TTLL5: variants seen among roughly 807,000 people sequenced by gnomAD.
TTLL5 encodes tubulin polyglutamylase TTLL5.
TTLL5 carries 132 observed loss-of-function variants against 168.4 expected under a neutral mutation model. The ratio of observed to expected loss-of-function variants is 0.78; its 90% CI spans 0.68 to 0.91. The LOEUF (loss-of-function observed/expected upper bound fraction) is 0.91, where lower values mean the gene tolerates loss of function less well. Among genes scored for constraint, TTLL5 ranks in the 40% least tolerant of loss-of-function variants. The pLI, the probability that TTLL5 is intolerant of heterozygous loss-of-function variation, is 0.00. For missense variants in TTLL5, 1,545 were observed against 1,581.5 expected (o/e 0.98, Z 0.39); for synonymous variants, 546 against 558.6 (o/e 0.98, Z 0.32).
chr14:75,706,380 G>A (rs953508709), intron 7 of TTLL5, among the ~76,000 whole-genome samples: 1 of 152,142 alleles, frequency 6.6e-6, no homozygotes, highest in African/African-American at 2.4e-5. Context: ...TGTTCATCAT[G>A]GTATCCCCAG....
Position 75,809,461 on chromosome 14 carries a change from A to T in TTLL5, c.3172-10546A>T, listed in dbSNP as rs59983830. Among the ~76,000 whole-genome samples, 4 of 152,288 alleles carry T rather than the reference A, an allele frequency of 2.6e-5. 1 individual carries two copies. In the East Asian group the frequency reaches 5.8e-4, roughly 22 times the overall value. On this transcript the variant is annotated intron_variant, in intron 27 of 31. Coordinates refer to ENST00000298832, the MANE Select transcript of TTLL5 (RefSeq NM_015072.5). ...GGTTATTCATATATCACAGTGTTAC[A>T]TATTTTGGGGGGTACATATGATGTT... is the stretch of plus-strand genomic sequence containing the variant.
At chr14:75,851,439 G>A (rs894411513) in intron 28 of TTLL5, among the ~76,000 whole-genome samples, 2 of 152,134 alleles carry the variant, frequency 1.3e-5, no homozygotes, top group African/African-American at 4.8e-5. Context: ...AGCCGCTGCT[G>A]GTAATTTAGC....
At chr14:75,715,625 G>A (rs1459571051) in intron 9 of TTLL5, among the ~76,000 whole-genome samples, 1 of 152,028 alleles carries the variant, frequency 6.6e-6, no homozygotes, top group Non-Finnish European at 1.5e-5. Flanking sequence ...ATATGGAGTG[G>A]AGCACTTTCA....
chr14:75,924,759 C>T (rs1224996361), intron 31 of TTLL5, among the ~76,000 whole-genome samples: 1 of 152,128 alleles, frequency 6.6e-6, no homozygotes, highest in Middle Eastern at 3.4e-3. Flanking sequence ...TCCACAAAAC[C>T]GCCATTGTCA....
At chr14:75,723,009 G>A (rs566973114) in intron 12 of TTLL5, among the ~76,000 whole-genome samples, 2 of 152,124 alleles carry the variant, frequency 1.3e-5, no homozygotes, top group Non-Finnish European at 2.9e-5. Context: ...CTCTACAATA[G>A]TATCTGTATG....
chr14:75,876,032 A>G (rs1292991281), intron 29 of TTLL5, among the ~76,000 whole-genome samples: 3 of 152,232 alleles, frequency 2.0e-5, no homozygotes, highest in Non-Finnish European at 4.4e-5. Context: ...ATGTAAAGCA[A>G]AGCAGAGTCT....
intron 27 of TTLL5, among the ~76,000 whole-genome samples, chr14:75,817,830 C>CTTTTTTTTTTTTTT (rs1045988787): frequency 3.5e-4 from 29 of 83,862 alleles, no homozygotes; most frequent in African/African-American, 5.7e-4. Flanking sequence ...CTTTTCTTTT[C>CTTTTTTTTTTTTTT]TTTTTTTTTT....
intron 12 of TTLL5, chr14:75,727,835 A>T: frequency 2.0e-6 from 1 of 504,848 alleles, no homozygotes. Context: ...TGAAAGAAAT[A>T]AGACTAGTCG....
intron 11 of TTLL5, among the ~76,000 whole-genome samples, chr14:75,720,230 T>G (rs1307070387): frequency 6.6e-6 from 1 of 152,148 alleles, no homozygotes; most frequent in African/African-American, 2.4e-5. Context: ...GGGCTTCAAA[T>G]CAAAATGGAC....
chr14:75,907,804 A>G lies in TTLL5; in HGVS notation c.3823+5580A>G, dbSNP rs566821679. Among the ~76,000 whole-genome samples the G allele has an allele frequency of 9.3e-4, 142 of 152,360 alleles. 1 individual carries two copies. Among genetic ancestry groups the G allele is most frequent in the Admixed American group, 1.6e-3 (25 of 15,308 alleles). Reference sequence around the variant, plus strand: ...CAGCCTGTCCAATGATGAACAACTAATAAAATATAGAAGACTAAAGCAAGA... The same window carrying G: ...CAGCCTGTCCAATGATGAACAACTAGTAAAATATAGAAGACTAAAGCAAGA... On this transcript the variant is annotated intron_variant, in intron 31 of 31. Coordinates refer to ENST00000298832, the MANE Select transcript of TTLL5 (RefSeq NM_015072.5).
Position 75,954,939 on chromosome 14 carries a change from A to T in TTLL5, c.*493A>T, listed in dbSNP as rs1032480740. On this transcript the variant is annotated 3_prime_UTR_variant, in exon 32 of 32. Coordinates refer to ENST00000298832, the MANE Select transcript of TTLL5 (RefSeq NM_015072.5). ...AAAGTTGTTCCTCCCTTTTCGGAGGATCTAGGGGGAAAGAGGAGCATTCAT... is the reference window on the plus strand; with the variant it reads ...AAAGTTGTTCCTCCCTTTTCGGAGGTTCTAGGGGGAAAGAGGAGCATTCAT... 2 of 153,848 alleles carry T rather than the reference A, an allele frequency of 1.3e-5. No individual in the cohort carries two copies. Among genetic ancestry groups the T allele is most frequent in the African/African-American group, 4.8e-5 (2 of 41,460 alleles). 9.5% of individuals were successfully genotyped at this position (153,848 alleles called of 1,614,324 possible). A position where few individuals can be genotyped will look rare whatever the true frequency, so the allele number is the denominator to read the frequency against.
chr14:75,811,174 T>A, intron 27 of TTLL5, among the ~76,000 whole-genome samples: 1 of 147,340 alleles, frequency 6.8e-6, no homozygotes, highest in South Asian at 2.1e-4. Context: ...TGTGTGTGTG[T>A]GTGTGTGTGT....
chr14:75,879,247 G>A (rs956180602), intron 29 of TTLL5, among the ~76,000 whole-genome samples: 4 of 152,206 alleles, frequency 2.6e-5, no homozygotes, highest in Non-Finnish European at 4.4e-5. Context: ...GATTATTTCT[G>A]CCAGAGAGAA....
At chr14:75,945,469 A>G (rs1272592327) in intron 31 of TTLL5, among the ~76,000 whole-genome samples, 1 of 151,684 alleles carries the variant, frequency 6.6e-6, no homozygotes, top group African/African-American at 2.4e-5. Context: ...GTTGGTCAGG[A>G]TGATCTCGAT....
rs568842781 is a variant in TTLL5 at position 75,762,863 on chromosome 14, G to A, written c.1551-1752G>A. ...TTCTTGACAATGTAGACGGTATAAT[G>A]TAGACAATATAAACTCTTGTTTATA... On this transcript the variant is annotated intron_variant, in intron 18 of 31. Transcript: ENST00000298832. Among the ~76,000 whole-genome samples the A allele has an allele frequency of 7.2e-5, 11 of 152,290 alleles. No individual in the cohort carries two copies. The South Asian group carries it at 2.1e-3, about 29-fold the overall frequency.
At chr14:75,663,624 C>G (rs1048303864) in intron 2 of TTLL5, among the ~76,000 whole-genome samples, 1 of 152,186 alleles carries the variant, frequency 6.6e-6, no homozygotes, top group African/African-American at 2.4e-5. Context: ...AAAGCCTTTA[C>G]AATGATAAAA....
intron 27 of TTLL5, among the ~76,000 whole-genome samples, chr14:75,795,816 TTATC>T (rs1439229449): frequency 6.6e-6 from 1 of 152,184 alleles, no homozygotes; most frequent in East Asian, 1.9e-4. Flanking sequence ...CACATTTTCT[TTATC>T]TACTCATTGA....
chr14:75,888,440 G>C (rs553867478), intron 30 of TTLL5, among the ~76,000 whole-genome samples: 1 of 152,122 alleles, frequency 6.6e-6, no homozygotes, highest in Non-Finnish European at 1.5e-5. Context: ...CACTTCCCTC[G>C]TCCTTCACCT....
At chr14:75,954,377 C>A (rs758805767) in intron 31 of TTLL5, 47 bp from the exon 32 acceptor site, 2 of 1,608,440 alleles carry the variant, frequency 1.2e-6, no homozygotes, top group Admixed American at 3.3e-5. Context: ...AAGTAAAACC[C>A]CATGCTGTCA....
Sources: gnomAD v4.1 joint callset for allele counts (sites outside exome capture counted in the v4.1 genomes callset) on GRCh38, gnomAD v4.1.1 for gene constraint, MANE v1.5 for transcripts, NCBI Gene and HGNC (gene_info 2026-07-23, HGNC 2026-07-21) for gene names.